Variants in MGST2 observed in about 807,000 individuals in gnomAD.
MGST2 encodes microsomal glutathione S-transferase 2.
A neutral mutation model predicts 16.6 loss-of-function variants in MGST2; 9 were observed. The observed-to-expected ratio is 0.54, with a 90% confidence interval of 0.33 to 0.95. MGST2 has a LOEUF of 0.95. Ranked by LOEUF, MGST2 falls within the 40% of genes least tolerant of loss-of-function variation. The pLI is 0.03. For synonymous variants in MGST2, 79 were observed against 68.0 expected, an observed-to-expected ratio of 1.16 and a Z score of -0.79; for missense variants, 159 against 175.1, an observed-to-expected ratio of 0.91 and a Z score of 0.52.
chr4:139,730,778 T>A, intron 5 of MGST2: 1 of 1,014,072 alleles, frequency 9.9e-7, no homozygotes, highest in Non-Finnish European at 1.4e-6. Flanking sequence ...GCTTATGGAC[T>A]GGAGGGTTTT....
the MGST2 span, among the ~76,000 whole-genome samples, chr4:139,750,481 C>T: frequency 1.3e-5 from 2 of 152,174 alleles, no homozygotes; most frequent in African/African-American, 4.8e-5. Context: ...GGGCTTTCTT[C>T]TCTTTGTTCC....
the MGST2 span, among the ~76,000 whole-genome samples, chr4:139,748,682 G>A: frequency 6.6e-6 from 1 of 152,264 alleles, no homozygotes; most frequent in South Asian, 2.1e-4. Flanking sequence ...CTGGGGTAAG[G>A]AGCAAAAGCA....
In MGST2 at chr4:139,728,815, T is replaced by C. The variant is rs561344192; in HGVS notation, c.*49-11397T>C. Among the ~76,000 whole-genome samples, 5 of 152,190 alleles carry C rather than the reference T, an allele frequency of 3.3e-5. No individual in the cohort carries two copies. The South Asian group carries it at 8.3e-4, about 25-fold the overall frequency. On this transcript the variant is annotated intron_variant, in intron 5 of 5. Transcript: ENST00000616265. ...CACCCTGTGCTCCCCAGGGTCGGGC[T>C]GGCCTCACCGTGTGGGAACACCCTT...
intron 1 of MGST2, among the ~76,000 whole-genome samples, chr4:139,669,641 G>A (rs1184625362): frequency 6.6e-6 from 1 of 152,222 alleles, no homozygotes. Flanking sequence ...CCCAGCTGTG[G>A]CTGGGTGGGC....
rs1491426688 is a variant in MGST2 at position 139,691,682 on chromosome 4, G to GATT, written c.159-3513_159-3512insTAT. Reference sequence around the variant, plus strand: ...CTGGCAGTCAGATGATGATGATGATGATGATGATGATGATGATTATTATTA... The same window carrying GATT: ...CTGGCAGTCAGATGATGATGATGATGATTATGATGATGATGATGATTATTATTA... On this transcript the variant is annotated intron_variant, in intron 2 of 4. Coordinates refer to ENST00000265498, the MANE Select transcript of MGST2 (RefSeq NM_002413.5). Among the ~76,000 whole-genome samples the GATT allele has an allele frequency of 6.5e-3, 870 of 133,098 alleles. 7 individuals carry two copies. The highest frequency in any genetic ancestry group is 0.023 in the African/African-American group (778 of 33,544). 87.3% of individuals were successfully genotyped at this position (133,098 alleles called of 152,430 possible). A position where few individuals can be genotyped will look rare whatever the true frequency, so the allele number is the denominator to read the frequency against.
rs2110936042 is a variant in MGST2 at position 139,715,084 on chromosome 4, C to T, written c.*48+10888C>T. 6.6e-6 allele frequency among the ~76,000 whole-genome samples: 1 copy of T among 152,276 alleles called. No individual in the cohort carries two copies. The highest frequency in any genetic ancestry group is 2.1e-4 in the South Asian group (1 of 4,820). ...CTAAATCTTAGAAGGGACTCTAACT[C>T]TCCTAAGTCGGGCCTCTAACCAGAG... On this transcript the variant is annotated intron_variant, in intron 5 of 5. Transcript: ENST00000616265. The surrounding 1 kb of genome is among the most constrained non-coding windows in gnomAD (Gnocchi z 4.4).
At chr4:139,693,780 A>G (rs1284372071) in intron 2 of MGST2, among the ~76,000 whole-genome samples, 3 of 152,238 alleles carry the variant, frequency 2.0e-5, no homozygotes, top group Non-Finnish European at 4.4e-5. Flanking sequence ...TTGGGTCACC[A>G]GTGGCCTTTT....
At chr4:139,725,401 T>G (rs1397773209) in intron 5 of MGST2, among the ~76,000 whole-genome samples, 1 of 152,188 alleles carries the variant, frequency 6.6e-6, no homozygotes, top group Non-Finnish European at 1.5e-5. Context: ...AAAATTGATA[T>G]GCAGCCAACA....
chr4:139,710,755 T>C (rs1727705696), intron 5 of MGST2, among the ~76,000 whole-genome samples: 1 of 152,176 alleles, frequency 6.6e-6, no homozygotes, highest in South Asian at 2.1e-4. Flanking sequence ...AAACTTACCT[T>C]TGTTTTGTGC....
intron 5 of MGST2, among the ~76,000 whole-genome samples, chr4:139,732,842 T>C (rs1464069448): frequency 6.6e-6 from 1 of 152,218 alleles, no homozygotes; most frequent in Non-Finnish European, 1.5e-5. Flanking sequence ...CGTTCTATTT[T>C]TTATGTGTAA....
At chr4:139,716,500 A>G (rs1332905826) in intron 5 of MGST2, among the ~76,000 whole-genome samples, 3 of 152,214 alleles carry the variant, frequency 2.0e-5, no homozygotes, top group African/African-American at 7.2e-5. Flanking sequence ...ACTATGTTCC[A>G]TGCAAAGTTG....
At position 139,730,569 on chromosome 4, in the gene MGST2, G is replaced by T. The variant is rs544185652; in HGVS notation, c.*49-9643G>T. ...GGGGCTGGCTGCCCAGGAAGCCGGG[G>T]CCTGCGGGACTGGCTCCTGAGACCA... On this transcript the variant is annotated intron_variant, in intron 5 of 5. Transcript: ENST00000616265. The T allele has an allele frequency of 4.4e-6, 7 of 1,601,154 alleles. No individual in the cohort carries two copies. In the South Asian group the frequency reaches 6.8e-5, roughly 16 times the overall value.
chr4:139,728,205 A>G (rs1728554669), intron 5 of MGST2, among the ~76,000 whole-genome samples: 1 of 152,112 alleles, frequency 6.6e-6, no homozygotes, highest in South Asian at 2.1e-4. Context: ...ACAAAGTGAG[A>G]CCCTGTCTCA....
chr4:139,688,021 A>T (rs1726341848), intron 2 of MGST2, among the ~76,000 whole-genome samples: 1 of 152,232 alleles, frequency 6.6e-6, no homozygotes, highest in African/African-American at 2.4e-5. Flanking sequence ...TTTAGAGTAA[A>T]GTCATTTTAT....
intron 5 of MGST2, chr4:139,731,034 C>T (rs1728686969): frequency 4.2e-6 from 1 of 239,174 alleles, no homozygotes; most frequent in Admixed American, 4.9e-5. Context: ...ACACGAGACA[C>T]ATCCTGACCT....
intron 5 of MGST2, among the ~76,000 whole-genome samples, chr4:139,713,711 C>G (rs1159462107): frequency 6.6e-6 from 1 of 152,168 alleles, no homozygotes; most frequent in Non-Finnish European, 1.5e-5. Context: ...GCCAATATTT[C>G]TAGCTTCTGA....
Position 139,723,707 on chromosome 4 carries a change from TC to T in MGST2, c.*49-16500del, listed in dbSNP as rs1313481263. On this transcript the variant is annotated intron_variant, in intron 5 of 5. Transcript: ENST00000616265. The stretch of plus-strand genomic sequence containing the variant: ...GGGAATTATTAAATAATTCCCCTTT[TC>T]CCCCACAAATAATACATGAGTTATG... Among the ~76,000 whole-genome samples, 11 of 152,256 alleles carry T rather than the reference TC, an allele frequency of 7.2e-5. No homozygotes were observed. The East Asian group carries it at 2.1e-3, about 29-fold the overall frequency.
At chr4:139,753,577 T>A in the MGST2 span, among the ~76,000 whole-genome samples, 1 of 152,132 alleles carries the variant, frequency 6.6e-6, no homozygotes, top group South Asian at 2.1e-4. Context: ...AAATAAAATA[T>A]AATTTTACAA....
intron 2 of MGST2, among the ~76,000 whole-genome samples, chr4:139,688,482 T>TA (rs1726374964): frequency 6.6e-6 from 1 of 152,166 alleles, no homozygotes; most frequent in Admixed American, 6.5e-5. Flanking sequence ...CCTTTAGAAA[T>TA]ATTAGCCTCT....
Sources: gnomAD v4.1 joint callset for allele counts (sites outside exome capture counted in the v4.1 genomes callset) on GRCh38, gnomAD v4.1.1 for gene constraint, Gnocchi (gnomAD v3.1) non-coding constraint, MANE v1.5 for transcripts, NCBI Gene and HGNC (gene_info 2026-07-23, HGNC 2026-07-21) for gene names.